Variants in RGS7 observed in about 807,000 individuals in gnomAD.
RGS7 encodes the protein regulator of G-protein signaling 7.
In RGS7, 27 loss-of-function variants were observed where a neutral mutation model predicts 81.1. The observed-to-expected ratio is 0.33, with a 90% CI of 0.25 to 0.46. RGS7 has a LOEUF of 0.46. Among genes scored for constraint, RGS7 ranks in the 20% least tolerant of loss-of-function variants. RGS7 has a pLI of 1.00. For synonymous variants in RGS7, 208 were observed against 207.7 expected (o/e 1.00, Z -0.01); for missense variants, 396 against 607.4 (o/e 0.65, Z 3.66).
At chr1:241,355,553 T>C in intron 2 of RGS7, 146 bp downstream of exon 2, 2 of 758,556 alleles carry the variant, frequency 2.6e-6, no homozygotes, top group South Asian at 2.9e-5. Context: ...GAATGTCAGA[T>C]CACTTTCACG....
chr1:240,777,239 G>A (rs1199015346), intron 18 of RGS7, among the ~76,000 whole-genome samples: 1 of 151,812 alleles, frequency 6.6e-6, no homozygotes, highest in African/African-American at 2.4e-5. Context: ...CTGAGATCGC[G>A]CCACTACACT....
At chr1:240,845,860 GGGACAATGCT>G (rs1658982519) in intron 9 of RGS7, among the ~76,000 whole-genome samples, 1 of 152,152 alleles carries the variant, frequency 6.6e-6, no homozygotes, top group Non-Finnish European at 1.5e-5. Context: ...AACAGTAAAA[GGGACAATGCT>G]GGAAATTGAC....
At chr1:241,009,373 T>C (rs1193585856) in intron 3 of RGS7, among the ~76,000 whole-genome samples, 1 of 152,202 alleles carries the variant, frequency 6.6e-6, no homozygotes, top group Admixed American at 6.5e-5. Flanking sequence ...TCTGGGTTAC[T>C]TACATGACCA....
In RGS7 at chr1:241,202,011, G is replaced by GACACACACACACACAC. The variant is rs60399497; in HGVS notation, c.79-103265_79-103250dup. On this transcript the variant is annotated intron_variant, in intron 2 of 18. Transcript: ENST00000440928. Reference sequence around the variant, plus strand: ...CCCTGCAAACACACAGACACACACAGACACACACACACACACACACACACA... The same window carrying GACACACACACACACAC: ...CCCTGCAAACACACAGACACACACAGACACACACACACACACACACACACACACACACACACACACA... 3.2e-3 allele frequency among the ~76,000 whole-genome samples: 462 copies of GACACACACACACACAC among 145,042 alleles called. 2 individuals carry two copies. The highest frequency in any genetic ancestry group is 0.011 in the African/African-American group (429 of 38,410).
intron 2 of RGS7, among the ~76,000 whole-genome samples, chr1:241,230,483 G>A (rs2075593119): frequency 6.6e-6 from 1 of 152,042 alleles, no homozygotes. Flanking sequence ...CAAAGTTCTG[G>A]GATTACTATC....
At chr1:240,827,029 T>A (rs879160856) in intron 10 of RGS7, 69 bp downstream of exon 10, 1 of 1,280,302 alleles carries the variant, frequency 7.8e-7, no homozygotes, top group Admixed American at 1.7e-5. Flanking sequence ...AAGAAAGTGT[T>A]TTTATGGCTG....
chr1:240,882,415 G>C (rs1294556088), intron 6 of RGS7, among the ~76,000 whole-genome samples: 38 of 152,096 alleles, frequency 2.5e-4, no homozygotes, highest in Admixed American at 2.5e-3. Context: ...CTATCATAAG[G>C]CGGTTACATG....
chr1:241,253,392 C>T (rs1405813207), intron 2 of RGS7, among the ~76,000 whole-genome samples: 1 of 152,146 alleles, frequency 6.6e-6, no homozygotes, highest in Non-Finnish European at 1.5e-5. Context: ...CGTGTGCCCA[C>T]TTCTTCCTTC....
At chr1:240,783,951 G>A (rs1378057037) in intron 18 of RGS7, among the ~76,000 whole-genome samples, 4 of 150,756 alleles carry the variant, frequency 2.7e-5, no homozygotes, top group Admixed American at 6.6e-5. Context: ...CGAGGTGGGC[G>A]GATCACCTGA....
Position 240,868,759 on chromosome 1 carries a change from G to A in RGS7, c.527+17C>T, listed in dbSNP as rs760793046. On this transcript the variant is annotated intron_variant, in intron 8 of 18. Coordinates refer to ENST00000440928, the MANE Select transcript of RGS7 (RefSeq NM_001364886.1). The surrounding 1 kb of genome is among the most constrained non-coding windows in gnomAD (Gnocchi z 5.1). ...CACAACTGGAACAAATCTTCCAAACGACTCACAAGGACTCACTTTGCTTGT... is the reference window on the plus strand; with the variant it reads ...CACAACTGGAACAAATCTTCCAAACAACTCACAAGGACTCACTTTGCTTGT... 16 of 1,613,550 alleles carry A rather than the reference G, an allele frequency of 9.9e-6. No homozygotes were observed. The highest frequency in any genetic ancestry group is 1.6e-4 in the Middle Eastern group (1 of 6,062).
At chr1:241,026,262 A>G (rs895408144) in intron 3 of RGS7, among the ~76,000 whole-genome samples, 1 of 152,184 alleles carries the variant, frequency 6.6e-6, no homozygotes, top group African/African-American at 2.4e-5. Context: ...GGTATTTTCT[A>G]CATAATGCAG....
intron 2 of RGS7, among the ~76,000 whole-genome samples, chr1:241,317,925 G>A (rs1383471580): frequency 2.6e-5 from 4 of 152,066 alleles, no homozygotes; most frequent in Admixed American, 6.6e-5. Flanking sequence ...CAGTTCTTCC[G>A]AGATTTCCTT....
intron 18 of RGS7, among the ~76,000 whole-genome samples, chr1:240,776,576 CAT>C (rs1682982856): frequency 6.6e-6 from 1 of 152,200 alleles, no homozygotes; most frequent in Non-Finnish European, 1.5e-5. Context: ...TGATTATAAA[CAT>C]GTTACAACAA....
chr1:241,224,003 C>T (rs199702678), intron 2 of RGS7, among the ~76,000 whole-genome samples: 1 of 129,164 alleles, frequency 7.7e-6, no homozygotes, highest in Non-Finnish European at 1.6e-5. Context: ...TGGGTCCCTC[C>T]AAAAAAAAAA....
chr1:241,325,723 T>C (rs1028830126), intron 2 of RGS7, among the ~76,000 whole-genome samples: 28 of 152,190 alleles, frequency 1.8e-4, no homozygotes, highest in Non-Finnish European at 2.8e-4. Flanking sequence ...GCATCTCTCA[T>C]GTTTTAGGAC....
chr1:241,227,388 GTC>G (rs2075366477), intron 2 of RGS7, among the ~76,000 whole-genome samples: 1 of 152,066 alleles, frequency 6.6e-6, no homozygotes, highest in Non-Finnish European at 1.5e-5. Context: ...GAGAGGTAAA[GTC>G]TCTGAGGCGG....
At chr1:241,323,703 G>A (rs1166143725) in intron 2 of RGS7, among the ~76,000 whole-genome samples, 3 of 152,132 alleles carry the variant, frequency 2.0e-5, no homozygotes, top group East Asian at 1.9e-4. Context: ...GAGAACAGAC[G>A]CGAGAGCTGT....
intron 3 of RGS7, among the ~76,000 whole-genome samples, chr1:241,094,238 A>AAC (rs149481776): frequency 0.14 from 18,737 of 136,338 alleles, 1,257 homozygotes; most frequent in East Asian, 0.28. Context: ...GACATACATA[A>AAC]ACACACACAC....
intron 9 of RGS7, among the ~76,000 whole-genome samples, chr1:240,860,665 G>A (rs975580113): frequency 6.6e-6 from 1 of 152,112 alleles, no homozygotes; most frequent in East Asian, 1.9e-4. Context: ...ACATTTATGG[G>A]ACTACAGGCA....
Sources: gnomAD v4.1 joint callset for allele counts (sites outside exome capture counted in the v4.1 genomes callset) on GRCh38, gnomAD v4.1.1 for gene constraint, Gnocchi (gnomAD v3.1) non-coding constraint, MANE v1.5 for transcripts, NCBI Gene and HGNC (gene_info 2026-07-23, HGNC 2026-07-21) for gene names.